PARP12: variants seen among roughly 807,000 people sequenced by gnomAD.
PARP12 encodes the protein poly(ADP-ribose) polymerase family member 12, also known as protein mono-ADP-ribosyltransferase PARP12.
A neutral mutation model predicts 72.4 loss-of-function variants in PARP12; 59 were observed. That is an observed-to-expected ratio of 0.81 (90% CI 0.66 to 1.01). PARP12 has a LOEUF of 1.01. Among genes scored for constraint, PARP12 ranks in the 50% least tolerant of loss-of-function variants. The pLI is 0.00. For synonymous variants in PARP12, 403 were observed against 371.4 expected (o/e 1.09, Z -0.98); for missense variants, 851 against 914.0 (o/e 0.93, Z 0.89).
chr7:140,037,663 G>A, intron 7 of PARP12, 52 bp downstream of exon 7: 2 of 1,602,766 alleles, frequency 1.2e-6, no homozygotes, highest in African/African-American at 1.3e-5. Flanking sequence ...AAGGTGTAGG[G>A]ACAGAGCCAA....
At position 140,024,264 on chromosome 7, in the gene PARP12, T is replaced by A. The variant is rs553134965; in HGVS notation, c.*296A>T. 1 of 405,554 alleles carries A rather than the reference T, an allele frequency of 2.5e-6. No individual in the cohort carries two copies. Among genetic ancestry groups the A allele is most frequent in the East Asian group, 5.4e-5 (1 of 18,376 alleles). 25.1% of individuals were successfully genotyped at this position (405,554 alleles called of 1,614,324 possible). On this transcript the variant is annotated 3_prime_UTR_variant, in exon 12 of 12. Coordinates refer to ENST00000263549, the MANE Select transcript of PARP12 (RefSeq NM_022750.4). ...TCCATAAAATTGTATCTAGAAACTC[T>A]GTCCCTGGTGCCAATAAGCAGCAAA...
At chr7:140,058,100 C>A in intron 1 of PARP12, 66 bp from the exon 2 acceptor site, 2 of 1,555,234 alleles carry the variant, frequency 1.3e-6, no homozygotes, top group South Asian at 1.1e-5. Flanking sequence ...ATGTTGGAGT[C>A]CTAACTCCCA....
intron 5 of PARP12, among the ~76,000 whole-genome samples, chr7:140,046,670 C>T (rs988998496): frequency 1.1e-4 from 17 of 152,110 alleles, no homozygotes; most frequent in East Asian, 7.8e-4. Flanking sequence ...CCAGTATGAA[C>T]GCTGACTTTC....
intron 3 of PARP12, among the ~76,000 whole-genome samples, chr7:140,056,245 T>G (rs943796192): frequency 3.3e-5 from 5 of 152,214 alleles, no homozygotes; most frequent in Non-Finnish European, 7.3e-5. Flanking sequence ...CAGTCTTTTT[T>G]AAAAAATAAG....
Position 140,057,817 on chromosome 7 carries a change from T to C in PARP12, c.462+82A>G, listed in dbSNP as rs1173116362. On this transcript the variant is annotated intron_variant, in intron 2 of 11. Coordinates refer to ENST00000263549, the MANE Select transcript of PARP12 (RefSeq NM_022750.4). ...CCAGAGATCACCAAGGGCCCACCCA[T>C]TCCACTCCCAGTCATTACATTTCCC... 17 of 1,563,478 alleles carry C rather than the reference T, an allele frequency of 1.1e-5. No individual in the cohort carries two copies. The East Asian group carries it at 3.8e-4, about 35-fold the overall frequency.
rs1815631418 is a variant in PARP12 at position 140,024,185 on chromosome 7, A to G, written c.*375T>C. The G allele has an allele frequency of 3.2e-6, 1 of 315,256 alleles. No individual in the cohort carries two copies. Among genetic ancestry groups the G allele is most frequent in the Non-Finnish European group, 6.2e-6 (1 of 162,142 alleles). The allele number at this position is 315,256 out of a possible 1,614,324, so 19.5% of individuals were successfully genotyped here. On this transcript the variant is annotated 3_prime_UTR_variant, in exon 12 of 12. Coordinates refer to ENST00000263549, the MANE Select transcript of PARP12 (RefSeq NM_022750.4). The stretch of plus-strand genomic sequence containing the variant: ...ATTCTGGAAAAACTATGATGCCATG[A>G]GACTCTGAGAAACCGAATCACTGCA...
chr7:140,026,424 C>T, intron 10 of PARP12, 76 bp from the exon 11 acceptor site: 1 of 1,536,842 alleles, frequency 6.5e-7, no homozygotes, highest in Non-Finnish European at 8.7e-7. Flanking sequence ...TGCAAAACAA[C>T]ACATTTTTCC....
At chr7:140,042,735 GGA>G (rs1208884789) in intron 5 of PARP12, among the ~76,000 whole-genome samples, 2 of 152,204 alleles carry the variant, frequency 1.3e-5, no homozygotes, top group Admixed American at 6.5e-5. Flanking sequence ...TCTGGATAAA[GGA>G]GGAAAAAATT....
intron 3 of PARP12, among the ~76,000 whole-genome samples, chr7:140,055,723 C>A (rs1817152292): frequency 6.6e-6 from 1 of 152,176 alleles, no homozygotes. Context: ...GTAAGATACT[C>A]CTAAAGATCT....
Position 140,062,930 on chromosome 7 carries a change from G to A in PARP12, c.-83C>T. The A allele has an allele frequency of 5.4e-6, 6 of 1,114,786 alleles. No homozygotes were observed. The South Asian group carries it at 1.1e-4, about 20-fold the overall frequency. 69.1% of individuals were successfully genotyped at this position (1,114,786 alleles called of 1,614,324 possible). A position where few individuals can be genotyped will look rare whatever the true frequency, so the allele number is the denominator to read the frequency against. On this transcript the variant is annotated 5_prime_UTR_variant, in exon 1 of 12. Transcript: ENST00000263549. The stretch of plus-strand genomic sequence containing the variant: ...GCTGGCTGGCGGGCGGCTCTCGCAG[G>A]GTGGAGACGCCGGCGGGAAACGAAA...
intron 3 of PARP12, among the ~76,000 whole-genome samples, chr7:140,055,521 A>T (rs1225240047): frequency 6.6e-6 from 1 of 152,166 alleles, no homozygotes; most frequent in Non-Finnish European, 1.5e-5. Context: ...ATTTAGTGTC[A>T]CCTGTCGTTA....
intron 1 of PARP12, among the ~76,000 whole-genome samples, chr7:140,058,535 C>T (rs1817291841): frequency 6.6e-6 from 1 of 151,390 alleles, no homozygotes; most frequent in Admixed American, 6.6e-5. Flanking sequence ...GGCACAGACA[C>T]ACACAGAGGG....
intron 9 of PARP12, 60 bp downstream of exon 9, chr7:140,028,553 A>C (rs1037578275): frequency 4.2e-6 from 6 of 1,417,090 alleles, no homozygotes; most frequent in Non-Finnish European, 4.8e-6. Flanking sequence ...CAGTCTGTTC[A>C]CACACACCCA....
intron 4 of PARP12, among the ~76,000 whole-genome samples, chr7:140,048,334 C>T (rs372095193): frequency 6.6e-6 from 1 of 152,156 alleles, no homozygotes; most frequent in African/African-American, 2.4e-5. Context: ...ACTCCAAGCA[C>T]ACGCTGCCTG....
chr7:140,024,873 G>A lies in PARP12; in HGVS notation c.1793C>T (p.Ala598Val), dbSNP rs1815673403. The part of the protein sequence containing the change: ...GTSYGKGSYF[A>V]RDAAYSHHYS... ...GTGGTGGGAATATGCAGCATCTCGGGCAAAGTAGCTCCCTGAAATGACACA... is the reference window on the plus strand; with the variant it reads ...GTGGTGGGAATATGCAGCATCTCGGACAAAGTAGCTCCCTGAAATGACACA... The change falls in exon 12 of 12, where the codon GCC becomes GTC. Residue 598 changes from alanine (A) to valine (V), a missense_variant. Physicochemically the swap from Ala to Val is moderately conservative, Grantham distance 64. Around this residue, in one of 3 missense-constraint regions of PARP12, gnomAD observed 347 missense variants for 396.1 expected, o/e 0.88. Transcript: ENST00000263549. The A allele has an allele frequency of 6.2e-7, 1 of 1,612,992 alleles. No individual in the cohort carries two copies. Among genetic ancestry groups the A allele is most frequent in the Non-Finnish European group, 8.5e-7 (1 of 1,179,114 alleles).
chr7:140,038,292 C>A lies in PARP12; in HGVS notation c.1183-436G>T, dbSNP rs1000973906. 6.1e-6 allele frequency: 6 copies of A among 985,250 alleles called. No homozygotes were observed. In the Admixed American group the frequency reaches 2.5e-4, roughly 40 times the overall value. 61.0% of individuals were successfully genotyped at this position (985,250 alleles called of 1,614,324 possible). A position where few individuals can be genotyped will look rare whatever the true frequency, so the allele number is the denominator to read the frequency against. On this transcript the variant is annotated intron_variant, in intron 6 of 11. Coordinates refer to ENST00000263549, the MANE Select transcript of PARP12 (RefSeq NM_022750.4). ...AATCAGAGCTCGGTCCTCTTCCTTG[C>A]GGTTTTCTTTTTCTGGTCCCTAGGA...
In PARP12 at chr7:140,024,500, A is replaced by T. The variant is rs768618990; in HGVS notation, c.*60T>A. The stretch of plus-strand genomic sequence containing the variant: ...AAGTTTCTGTTTAAAAAGAAAAGGA[A>T]AGGCCCAAATAGCCATTTCAAGGCA... On this transcript the variant is annotated 3_prime_UTR_variant, in exon 12 of 12. Transcript: ENST00000263549. 8 of 1,545,920 alleles carry T rather than the reference A, an allele frequency of 5.2e-6. No individual in the cohort carries two copies. In the Admixed American group the frequency reaches 1.4e-4, roughly 27 times the overall value.
Position 140,054,314 on chromosome 7 carries a change from T to C in PARP12, c.862+348A>G, listed in dbSNP as rs535344236. ...AGTTTCTAAGGGAGCTCTCAGCCTA[T>C]CATCACCCTTATCTTTGTTCCCACC... On this transcript the variant is annotated intron_variant, in intron 4 of 11. Transcript: ENST00000263549. Among the ~76,000 whole-genome samples the C allele has an allele frequency of 2.6e-5, 4 of 152,308 alleles. No homozygotes were observed. The South Asian group carries it at 8.3e-4, about 32-fold the overall frequency.
rs1394202237 is a variant in PARP12, at chr7:140,024,009, C to T, written c.*551G>A. Reference sequence around the variant, plus strand: ...CCAGCAGGGACTCGATGGCACCACACAGCAGCCACCTGTTCTGACAATGTG... The same window carrying T: ...CCAGCAGGGACTCGATGGCACCACATAGCAGCCACCTGTTCTGACAATGTG... On this transcript the variant is annotated 3_prime_UTR_variant, in exon 12 of 12. Coordinates refer to ENST00000263549, the MANE Select transcript of PARP12 (RefSeq NM_022750.4). The T allele has an allele frequency of 5.6e-6, 1 of 178,142 alleles. No homozygotes were observed. Among genetic ancestry groups the T allele is most frequent in the Non-Finnish European group, 1.2e-5 (1 of 82,624 alleles). 11.0% of individuals were successfully genotyped at this position (178,142 alleles called of 1,614,324 possible).
Sources: gnomAD v4.1 joint callset for allele counts (sites outside exome capture counted in the v4.1 genomes callset) on GRCh38, gnomAD v4.1.1 for gene constraint, gnomAD v4.1.1 regional missense constraint, MANE v1.5 for transcripts, NCBI Gene and HGNC (gene_info 2026-07-23, HGNC 2026-07-21) for gene names.